The following DCTN6 variants were observed in gnomAD, a reference collection of about 807,000 sequenced individuals.
DCTN6 encodes dynactin 6.
In DCTN6, 15 loss-of-function variants were observed where a neutral mutation model predicts 25.8. The observed-to-expected ratio is 0.58, with a 90% CI of 0.39 to 0.89. The LOEUF is 0.89. Ranked by LOEUF, DCTN6 falls within the 40% of genes least tolerant of loss-of-function variation. DCTN6 has a pLI of 0.00. For missense variants in DCTN6, 198 were observed against 237.6 expected (o/e 0.83, Z 1.09); for synonymous variants, 64 against 78.3 (o/e 0.82, Z 0.96).
In DCTN6 at chr8:30,180,547, C is replaced by G; in HGVS notation, c.391C>G (p.Leu131Val). 6.2e-7 allele frequency: 1 copy of G among 1,613,988 alleles called. No homozygotes were observed. Among genetic ancestry groups the G allele is most frequent in the Non-Finnish European group, 8.5e-7 (1 of 1,179,990 alleles). The change falls in exon 6 of 7, where the codon CTA (leucine) becomes GTA (valine). Residue 131 changes from leucine to valine, a missense_variant. Physicochemically the swap from Leu to Val is conservative, Grantham distance 32 (BLOSUM62 1). Coordinates refer to ENST00000221114, the MANE Select transcript of DCTN6 (RefSeq NM_006571.4). ...SGCIIGACCN[L>V]NTFEVIPENT... is the part of the protein sequence containing the mutation. ...CTGCATCATTGGGGCTTGTTGCAAC[C>G]TAAATACATTTGAAGTCATCCCTGA...
chr8:30,180,693 G>T lies in DCTN6; in HGVS notation c.474+63G>T, dbSNP rs1803901127. 3 of 1,565,900 alleles carry T rather than the reference G, an allele frequency of 1.9e-6. No individual in the cohort carries two copies. In the East Asian group the frequency reaches 6.9e-5, roughly 36 times the overall value. On this transcript the variant is annotated intron_variant, in intron 6 of 6. Transcript: ENST00000221114. ...GATTTTCCCAAAATACAATGTAATT[G>T]TCTTCATGAGGCAGCAGGTACACTA...
intron 2 of DCTN6, among the ~76,000 whole-genome samples, chr8:30,173,833 A>G (rs1293692534): frequency 1.3e-5 from 2 of 149,914 alleles, no homozygotes; most frequent in African/African-American, 4.9e-5. Flanking sequence ...ACCCTCCCTT[A>G]CTTTCAGAGT....
chr8:30,176,917 G>T, intron 3 of DCTN6: 1 of 417,810 alleles, frequency 2.4e-6, no homozygotes, highest in Non-Finnish European at 4.3e-6. Flanking sequence ...GGAGGTTGCA[G>T]TGATCCAAGA....
At chr8:30,175,553 T>G (rs1000529144) in intron 3 of DCTN6, among the ~76,000 whole-genome samples, 1 of 151,934 alleles carries the variant, frequency 6.6e-6, no homozygotes, top group African/African-American at 2.4e-5. Context: ...ATTTTTTGGT[T>G]GTAGCTGAAA....
At chr8:30,170,799 C>T (rs1377929199) in intron 2 of DCTN6, among the ~76,000 whole-genome samples, 2 of 151,650 alleles carry the variant, frequency 1.3e-5, no homozygotes, top group African/African-American at 4.8e-5. Context: ...CGCCATAATG[C>T]CCGGCTAATT....
At chr8:30,180,934 A>G (rs1803903736) in intron 6 of DCTN6, 3 of 383,534 alleles carry the variant, frequency 7.8e-6, no homozygotes, top group Admixed American at 4.3e-5. Flanking sequence ...GAGGAGGCTG[A>G]GGTGGGAAGA....
At chr8:30,161,370 C>T (rs2117575763) in intron 1 of DCTN6, among the ~76,000 whole-genome samples, 1 of 152,268 alleles carries the variant, frequency 6.6e-6, no homozygotes, top group Admixed American at 6.5e-5. Context: ...TTCAGGCCTG[C>T]ATTATCTCTG....
In DCTN6 at chr8:30,180,584, T is replaced by C. The variant is rs201711321; in HGVS notation, c.428T>C (p.Ile143Thr). The C allele has an allele frequency of 9.9e-5, 159 of 1,613,938 alleles. 1 individual carries two copies. The highest frequency in any genetic ancestry group is 1.3e-4 in the Non-Finnish European group (149 of 1,180,018). Residue 143 changes from isoleucine to threonine, a missense_variant, in exon 6 of 7, where the codon ATC (isoleucine) becomes ACC (threonine). Transcript: ENST00000221114. ...GAAGTCATCCCTGAGAATACGGTGA[T>C]CTATGGTGCAGACTGCCTTCGTCGG... ...TFEVIPENTV[I>T]YGADCLRRVQ... is the part of the protein sequence containing the mutation.
chr8:30,174,985 A>G (rs1803811546), intron 2 of DCTN6, 100 bp from the exon 3 acceptor site: 2 of 1,062,950 alleles, frequency 1.9e-6, no homozygotes, highest in Admixed American at 2.2e-5. Context: ...TACTTAGAAA[A>G]TGTTCCTCCC....
chr8:30,175,329 CAACATAAGTA>C, intron 3 of DCTN6, 139 bp downstream of exon 3: 1 of 663,920 alleles, frequency 1.5e-6, no homozygotes, highest in South Asian at 2.0e-5. Flanking sequence ...GGGTCTTTTT[CAACATAAGTA>C]AATGAGCAAA....
rs148685682 is a variant in DCTN6 at position 30,176,248 on chromosome 8, G to A, written c.195-878G>A. On this transcript the variant is annotated intron_variant, in intron 3 of 6. Transcript: ENST00000221114. ...GACTTTGAATTTAAAAAATAAAGTAGGCTGGGCGTGGTGCCTCATGCCTGT... is the reference window on the plus strand; with the variant it reads ...GACTTTGAATTTAAAAAATAAAGTAAGCTGGGCGTGGTGCCTCATGCCTGT... Among the ~76,000 whole-genome samples the A allele has an allele frequency of 4.2e-3, 633 of 152,324 alleles. 3 individuals carry two copies. Among genetic ancestry groups the A allele is most frequent in the South Asian group, 0.031 (151 of 4,830 alleles).
At chr8:30,170,119 A>C (rs975907276) in intron 2 of DCTN6, among the ~76,000 whole-genome samples, 4 of 151,566 alleles carry the variant, frequency 2.6e-5, no homozygotes, top group Non-Finnish European at 4.4e-5. Flanking sequence ...GTTGCAGTGA[A>C]CTGAGATGGT....
chr8:30,166,311 T>C (rs1419979100), intron 2 of DCTN6, among the ~76,000 whole-genome samples: 3 of 151,716 alleles, frequency 2.0e-5, no homozygotes, highest in Non-Finnish European at 2.9e-5. Flanking sequence ...TTGGTTTTTT[T>C]TTTCTTTCTT....
intron 4 of DCTN6, 96 bp from the exon 5 acceptor site, chr8:30,179,312 C>A: frequency 1.0e-6 from 1 of 997,770 alleles, no homozygotes. Flanking sequence ...CATCTGACAC[C>A]CCTGTCCTCT....
intron 2 of DCTN6, among the ~76,000 whole-genome samples, chr8:30,167,794 G>A (rs962988919): frequency 1.3e-5 from 2 of 151,986 alleles, no homozygotes; most frequent in Admixed American, 1.3e-4. Flanking sequence ...CACCTCCTGG[G>A]TTCAAGCGAT....
chr8:30,176,693 C>T (rs1803840105), intron 3 of DCTN6: 1 of 157,628 alleles, frequency 6.3e-6, no homozygotes, highest in Non-Finnish European at 1.4e-5. Flanking sequence ...AAATAACTTA[C>T]ATAGGCTGGG....
intron 2 of DCTN6, 43 bp downstream of exon 2, chr8:30,164,218 T>C (rs768878275): frequency 2.1e-6 from 3 of 1,454,828 alleles, no homozygotes; most frequent in Non-Finnish European, 2.9e-6. Flanking sequence ...ATTGATGTGA[T>C]TTAATCTATT....
intron 4 of DCTN6, among the ~76,000 whole-genome samples, chr8:30,178,652 AT>A (rs970615555): frequency 4.7e-5 from 7 of 150,016 alleles, no homozygotes; most frequent in Admixed American, 1.3e-4. Context: ...GTTTTTAAAG[AT>A]TTTTTTTTTA....
chr8:30,172,918 GT>G (rs1803782672), intron 2 of DCTN6, among the ~76,000 whole-genome samples: 1 of 151,902 alleles, frequency 6.6e-6, no homozygotes, highest in Admixed American at 6.6e-5. Context: ...TTTTTTGTTT[GT>G]TTTAAAGAAA....
Sources: gnomAD v4.1 joint callset for allele counts (sites outside exome capture counted in the v4.1 genomes callset) on GRCh38, gnomAD v4.1.1 for gene constraint, MANE v1.5 for transcripts, NCBI Gene and HGNC (gene_info 2026-07-23, HGNC 2026-07-21) for gene names.